RET: variants seen among roughly 807,000 people sequenced by gnomAD.
RET encodes proto-oncogene tyrosine-protein kinase receptor Ret.
Under a neutral mutation model 118.3 loss-of-function variants are expected in RET, and 19 were observed. That is an observed-to-expected ratio of 0.16 (90% CI 0.11 to 0.24). RET has a LOEUF of 0.24. Among genes scored for constraint, RET ranks in the 10% least tolerant of loss-of-function variants. RET has a pLI of 1.00. For synonymous variants in RET, 597 were observed against 644.1 expected (o/e 0.93, Z 1.11); for missense variants, 1,219 against 1,502.1 (o/e 0.81, Z 3.12).
intron 1 of RET, among the ~76,000 whole-genome samples, chr10:43,084,484 G>C (rs1448218932): frequency 1.3e-5 from 2 of 152,214 alleles, no homozygotes; most frequent in African/African-American, 4.8e-5. Context: ...CTTTTCCTGT[G>C]CATGCTGGCC....
intron 1 of RET, among the ~76,000 whole-genome samples, chr10:43,085,596 G>T (rs954471694): frequency 6.6e-6 from 1 of 152,310 alleles, no homozygotes; most frequent in East Asian, 1.9e-4. Context: ...GACTCAAAGG[G>T]CATGAGGACC....
Position 43,104,979 on chromosome 10 carries a change from C to G in RET, c.653C>G (p.Pro218Arg), listed in dbSNP as rs1197513567. 4 of 1,577,814 alleles carry G rather than the reference C, an allele frequency of 2.5e-6. No homozygotes were observed. Among genetic ancestry groups the G allele is most frequent in the South Asian group, 2.3e-5 (2 of 87,726 alleles). Residue 218 changes from proline (P) to arginine (R), a missense_variant, in exon 4 of 20, where the codon CCG becomes CGG. Coordinates refer to ENST00000355710, the MANE Select transcript of RET (RefSeq NM_020975.6). ...GAGGGTCTGCCCTTCCGCTGCGCCC[C>G]GGACAGCCTGGAGGTGAGCACGCGC... ...EGEGLPFRCAPDSLEVSTRWA... is the reference protein window; with the variant it reads ...EGEGLPFRCARDSLEVSTRWA...
At position 43,102,332 on chromosome 10, in the gene RET, C is replaced by G. The variant is rs375524825; in HGVS notation, c.338-10C>G. The G allele has an allele frequency of 6.2e-7, 1 of 1,613,644 alleles. No individual in the cohort carries two copies. The highest frequency in any genetic ancestry group is 8.5e-7 in the Non-Finnish European group (1 of 1,180,044). Reference sequence around the variant, plus strand: ...GCCGATGCCCCCACAGACCTGACTTCTCTCTGCAGACCGCGGCTTTCCCCT... The same window carrying G: ...GCCGATGCCCCCACAGACCTGACTTGTCTCTGCAGACCGCGGCTTTCCCCT... On this transcript the variant is annotated splice_polypyrimidine_tract_variant and intron_variant, in intron 2 of 19. Transcript: ENST00000355710.
At position 43,112,887 on chromosome 10, in the gene RET, C is replaced by A. The variant is rs1837973045; in HGVS notation, c.1683C>A (p.Ser561Arg). 3 of 1,614,008 alleles carry A rather than the reference C, an allele frequency of 1.9e-6. No homozygotes were observed. Among genetic ancestry groups the A allele is most frequent in the Non-Finnish European group, 1.7e-6 (2 of 1,180,014 alleles). ...GGAACTTCTCCACCTGCTCTCCCAG[C>A]ACCAAGACCTGCCCCGACGGCCACT... ...ITRNFSTCSPSTKTCPDGHCD... is the reference protein window; with the variant it reads ...ITRNFSTCSPRTKTCPDGHCD... Residue 561 changes from serine to arginine, a missense_variant, in exon 9 of 20, where the codon AGC (serine) becomes AGA (arginine). Ser to Arg is a moderately radical substitution (Grantham distance 110, BLOSUM62 -1). Coordinates refer to ENST00000355710, the MANE Select transcript of RET (RefSeq NM_020975.6).
chr10:43,113,711 C>G (rs781098225), intron 10 of RET, 36 bp downstream of exon 10: 10 of 1,611,138 alleles, frequency 6.2e-6, no homozygotes, highest in Middle Eastern at 3.3e-4. Flanking sequence ...CACCACCTCC[C>G]AGCCCCACAG....
intron 2 of RET, among the ~76,000 whole-genome samples, chr10:43,102,058 T>G (rs553000295): frequency 1.3e-5 from 2 of 152,034 alleles, no homozygotes; most frequent in South Asian, 2.1e-4. Flanking sequence ...ACCATCAGAG[T>G]TGGGGAGCCT....
rs1273221139 is a variant in RET, at chr10:43,118,585, G to A, written c.2392+105G>A. ...TCCCTTTCCCTACTGCTCCTGCCCT[G>A]TTTCCTGTTCTCCCTCTTTCTGGAA... On this transcript the variant is annotated intron_variant, in intron 13 of 19. Transcript: ENST00000355710. The A allele has an allele frequency of 5.7e-6, 5 of 871,582 alleles. No homozygotes were observed. In the East Asian group the frequency reaches 1.3e-4, roughly 23 times the overall value. 54.0% of individuals were successfully genotyped at this position (871,582 alleles called of 1,614,324 possible). A position where few individuals can be genotyped will look rare whatever the true frequency, so the allele number is the denominator to read the frequency against.
chr10:43,086,080 C>T (rs1837282854), intron 1 of RET, among the ~76,000 whole-genome samples: 1 of 152,224 alleles, frequency 6.6e-6, no homozygotes, highest in Non-Finnish European at 1.5e-5. Context: ...GCTCACGGTG[C>T]CTCGGCTTCT....
Position 43,102,564 on chromosome 10 carries a change from A to T in RET, c.560A>T (p.Gln187Leu). Reference sequence around the variant, plus strand: ...AACCGACCCCCAGGCACCTTCCACCAGTTCCGCCTGCTGCCTGTGCAGTTC... The same window carrying T: ...AACCGACCCCCAGGCACCTTCCACCTGTTCCGCCTGCTGCCTGTGCAGTTC... The part of the protein sequence containing the change: ...RENRPPGTFH[Q>L]FRLLPVQFLC... The change falls in exon 3 of 20, where the codon CAG (glutamine) becomes CTG (leucine). Residue 187 changes from glutamine to leucine, a missense_variant. Physicochemically the swap from Gln to Leu is moderately radical, Grantham distance 113. This residue lies in a region of RET where 850 missense variants were observed against 969.6 expected (regional missense o/e 0.88). Coordinates refer to ENST00000355710, the MANE Select transcript of RET (RefSeq NM_020975.6). The T allele has an allele frequency of 6.2e-7, 1 of 1,614,170 alleles. No individual in the cohort carries two copies.
intron 1 of RET, among the ~76,000 whole-genome samples, chr10:43,086,343 A>G (rs1276370921): frequency 6.6e-6 from 1 of 152,196 alleles, no homozygotes; most frequent in African/African-American, 2.4e-5. Flanking sequence ...CAGGGATGAG[A>G]AGGGGCTGGG....
At chr10:43,127,618 C>A in intron 19 of RET, 3 of 364,696 alleles carry the variant, frequency 8.2e-6, no homozygotes, top group Non-Finnish European at 1.2e-5. Flanking sequence ...TCCTCACTGG[C>A]TTTGTGTCTA....
rs771336993 is a variant in RET at position 43,128,767 on chromosome 10, G to A, written c.*498G>A. The A allele has an allele frequency of 3.5e-5, 10 of 287,682 alleles. No individual in the cohort carries two copies. Among genetic ancestry groups the A allele is most frequent in the African/African-American group, 1.1e-4 (5 of 46,620 alleles). The allele number at this position is 287,682 out of a possible 1,614,324, so 17.8% of individuals were successfully genotyped here. ...ATTCAGAATGAGAGACTGCGGGGGG[G>A]GCCTGGGGGTAGTGTCAATGCCCCT... On this transcript the variant is annotated 3_prime_UTR_variant, in exon 20 of 20. Transcript: ENST00000355710.
At chr10:43,124,486 T>C (rs1345489750) in intron 17 of RET, among the ~76,000 whole-genome samples, 3 of 152,224 alleles carry the variant, frequency 2.0e-5, no homozygotes, top group African/African-American at 4.8e-5. Flanking sequence ...TCTCCACACC[T>C]AAAAGCCCTC....
chr10:43,090,472 A>G (rs1468058918), intron 1 of RET, among the ~76,000 whole-genome samples: 1 of 152,124 alleles, frequency 6.6e-6, no homozygotes, highest in East Asian at 1.9e-4. Context: ...CTGAGGCCTC[A>G]GATGGGTCCC....
intron 1 of RET, among the ~76,000 whole-genome samples, chr10:43,089,258 C>T (rs563136003): frequency 1.1e-3 from 174 of 152,340 alleles, no homozygotes; most frequent in African/African-American, 3.9e-3. Flanking sequence ...ACGTCCCTGC[C>T]GGGGTCAGGT....
chr10:43,106,499 G>C lies in RET; in HGVS notation c.991G>C (p.Val331Leu). 3.1e-6 allele frequency: 5 copies of C among 1,613,796 alleles called. No homozygotes were observed. The highest frequency in any genetic ancestry group is 4.2e-6 in the Non-Finnish European group (5 of 1,179,864). ...CACCTGGGCCCAGCAGACCTTCCGG[G>C]TGGAACACTGGCCCAACGAGACCTC... is the stretch of plus-strand genomic sequence containing the variant. ...GDTWAQQTFR[V>L]EHWPNETSVQ... Residue 331 changes from valine (V) to leucine (L), a missense_variant, in exon 5 of 20, where the codon GTG (valine) becomes CTG (leucine). By Grantham distance (32) the Val-to-Leu change is conservative. Around this residue, in one of 5 missense-constraint regions of RET, gnomAD observed 850 missense variants for 969.6 expected, o/e 0.88. Transcript: ENST00000355710. The surrounding 1 kb of genome is among the most constrained non-coding windows in gnomAD (Gnocchi z 5.1).
At chr10:43,121,651 C>G (rs1450623175) in intron 15 of RET, among the ~76,000 whole-genome samples, 1 of 152,180 alleles carries the variant, frequency 6.6e-6, no homozygotes, top group Non-Finnish European at 1.5e-5. Context: ...GTTCCAGGCC[C>G]ATGCATAGGG....
intron 1 of RET, among the ~76,000 whole-genome samples, chr10:43,083,466 C>G (rs1244314430): frequency 6.6e-6 from 1 of 152,220 alleles, no homozygotes; most frequent in Non-Finnish European, 1.5e-5. Flanking sequence ...CCTCCCAGCC[C>G]TTGTGCCTGG....
At chr10:43,125,993 C>T (rs938016773) in intron 18 of RET, among the ~76,000 whole-genome samples, 4 of 152,322 alleles carry the variant, frequency 2.6e-5, no homozygotes, top group Non-Finnish European at 4.4e-5. Flanking sequence ...AAGGAGCAGA[C>T]GCCAGTGGCC....
Sources: gnomAD v4.1 joint callset for allele counts (sites outside exome capture counted in the v4.1 genomes callset) on GRCh38, gnomAD v4.1.1 for gene constraint, gnomAD v4.1.1 regional missense constraint, Gnocchi (gnomAD v3.1) non-coding constraint, MANE v1.5 for transcripts, NCBI Gene and HGNC (gene_info 2026-07-23, HGNC 2026-07-21) for gene names.